The following PHTF2 variants were observed in gnomAD, a reference collection of about 807,000 sequenced individuals.
PHTF2 encodes putative homeodomain transcription factor 2.
PHTF2 carries 60 observed loss-of-function variants against 101.2 expected under a neutral mutation model. The observed-to-expected ratio is 0.59, with a 90% CI of 0.48 to 0.73. The LOEUF is 0.73. Ranked by LOEUF, PHTF2 falls within the 30% of genes least tolerant of loss-of-function variation. The probability of loss-of-function intolerance (pLI) is 0.00; values close to 1 mark genes in which losing one functional copy is unlikely to be tolerated. For missense variants in PHTF2, 747 were observed against 908.7 expected (o/e 0.82, Z 2.29); for synonymous variants, 311 against 307.3 (o/e 1.01, Z -0.13).
intron 3 of PHTF2, among the ~76,000 whole-genome samples, chr7:77,892,528 C>T (rs527751261): frequency 6.6e-6 from 1 of 152,300 alleles, no homozygotes; most frequent in South Asian, 2.1e-4. Flanking sequence ...TGGTCATTTT[C>T]TGTCTCTAGT....
chr7:77,941,921 T>A (rs1327938216), intron 15 of PHTF2, among the ~76,000 whole-genome samples: 1 of 152,206 alleles, frequency 6.6e-6, no homozygotes, highest in African/African-American at 2.4e-5. Context: ...CTTAACAAGG[T>A]TTATAATGCC....
intron 1 of PHTF2, among the ~76,000 whole-genome samples, chr7:77,811,242 G>A (rs1215122003): frequency 6.6e-6 from 1 of 152,202 alleles, no homozygotes; most frequent in Non-Finnish European, 1.5e-5. Context: ...CAGACATGAT[G>A]TTGTGTACTT....
intron 5 of PHTF2, among the ~76,000 whole-genome samples, chr7:77,898,779 C>CTTTATTTA (rs199645271): frequency 6.6e-6 from 1 of 151,836 alleles, no homozygotes; most frequent in African/African-American, 2.4e-5. Flanking sequence ...CAGAGGTTAT[C>CTTTATTTA]TTTATTTATT....
At chr7:77,834,860 T>C (rs1436614503) in intron 1 of PHTF2, among the ~76,000 whole-genome samples, 1 of 152,230 alleles carries the variant, frequency 6.6e-6, no homozygotes, top group Non-Finnish European at 1.5e-5. Flanking sequence ...TAAGAGTGTT[T>C]ACATATGACC....
intron 3 of PHTF2, among the ~76,000 whole-genome samples, chr7:77,866,920 G>T (rs1290854783): frequency 1.3e-5 from 2 of 152,132 alleles, no homozygotes; most frequent in African/African-American, 2.4e-5. Context: ...AGTAGTAAAA[G>T]AATGCAAATA....
At chr7:77,897,315 C>T (rs1800962413) in intron 5 of PHTF2, among the ~76,000 whole-genome samples, 1 of 140,514 alleles carries the variant, frequency 7.1e-6, no homozygotes. Flanking sequence ...TTTTTTTGGC[C>T]CAACATTATC....
chr7:77,907,710 G>C (rs952663009), intron 7 of PHTF2: 2 of 152,088 alleles, frequency 1.3e-5, no homozygotes, highest in Admixed American at 1.3e-4. Context: ...AATCTGTTTT[G>C]TTAAGTAAAT....
rs1289629601 is a variant in PHTF2, at chr7:77,954,610, GTGTATATATATATATATATA to G, written c.2338-246_2338-227del. ...AAGATAATCATATTAAACAAGTACT[GTGTATATATATATATATATA>G]TATATATATATATATAGCCACTTCT... On this transcript the variant is annotated intron_variant, in intron 19 of 19. Transcript: ENST00000416283. Among the ~76,000 whole-genome samples, 4 of 82,534 alleles carry G rather than the reference GTGTATATATATATATATATA, an allele frequency of 4.8e-5. 1 individual carries two copies. The highest frequency in any genetic ancestry group is 3.2e-4 in the East Asian group (1 of 3,148). 54.1% of individuals were successfully genotyped at this position (82,534 alleles called of 152,430 possible). A position where few individuals can be genotyped will look rare whatever the true frequency, so the allele number is the denominator to read the frequency against.
At chr7:77,941,579 G>A (rs1246018961) in intron 15 of PHTF2, among the ~76,000 whole-genome samples, 1 of 152,174 alleles carries the variant, frequency 6.6e-6, no homozygotes, top group East Asian at 1.9e-4. Context: ...TTATACTTCA[G>A]TGAGGGAATG....
chr7:77,861,033 A>G (rs1231953757), intron 3 of PHTF2, among the ~76,000 whole-genome samples: 1 of 152,128 alleles, frequency 6.6e-6, no homozygotes, highest in African/African-American at 2.4e-5. Context: ...GGACATTTCT[A>G]TATCAGTTAA....
chr7:77,915,074 G>C (rs1366820307), intron 9 of PHTF2, among the ~76,000 whole-genome samples: 1 of 148,742 alleles, frequency 6.7e-6, no homozygotes, highest in Non-Finnish European at 1.5e-5. Context: ...ACCATGCCCA[G>C]CTCATTTTTG....
rs534923265 is a variant in PHTF2, at chr7:77,940,226, T to C, written c.1664T>C (p.Ile555Thr). 3.7e-6 allele frequency: 6 copies of C among 1,613,886 alleles called. No individual in the cohort carries two copies. In the East Asian group the frequency reaches 1.3e-4, roughly 36 times the overall value. Reference sequence around the variant, plus strand: ...GTCATAGTTCTTTCTATGGTTATAATAAGTTTTGTGGTTCGCGTGTCTCTT... The same window carrying C: ...GTCATAGTTCTTTCTATGGTTATAACAAGTTTTGTGGTTCGCGTGTCTCTT... Residue 555 changes from isoleucine to threonine, a missense_variant, in exon 14 of 20, where the codon ATA becomes ACA. Physicochemically the swap from Ile to Thr is moderately conservative, Grantham distance 89. Transcript: ENST00000416283.
chr7:77,954,194 C>T lies in PHTF2; in HGVS notation c.2337+300C>T, dbSNP rs1030111508. Among the ~76,000 whole-genome samples, 7 of 151,978 alleles carry T rather than the reference C, an allele frequency of 4.6e-5. No individual in the cohort carries two copies. The East Asian group carries it at 5.8e-4, about 13-fold the overall frequency. On this transcript the variant is annotated intron_variant, in intron 19 of 19. Coordinates refer to ENST00000416283, the Ensembl canonical transcript of PHTF2. ...TGTTGCCCAGGCTGGTGTGCAGTTGCGCGACCTTGGCTCACTGCAACCTCT... is the reference window on the plus strand; with the variant it reads ...TGTTGCCCAGGCTGGTGTGCAGTTGTGCGACCTTGGCTCACTGCAACCTCT...
chr7:77,913,484 T>C (rs1401576278), intron 9 of PHTF2, among the ~76,000 whole-genome samples: 1 of 152,154 alleles, frequency 6.6e-6, no homozygotes, highest in African/African-American at 2.4e-5. Flanking sequence ...ATAGTTTCTA[T>C]TAAAGAGATT....
chr7:77,832,758 G>A (rs1795167168), intron 1 of PHTF2, among the ~76,000 whole-genome samples: 1 of 151,366 alleles, frequency 6.6e-6, no homozygotes, highest in African/African-American at 2.4e-5. Context: ...ACAAGCTCAG[G>A]GCTCCCACTG....
intron 3 of PHTF2, among the ~76,000 whole-genome samples, chr7:77,865,251 A>C (rs981298116): frequency 1.3e-5 from 2 of 151,558 alleles, no homozygotes; most frequent in African/African-American, 2.4e-5. Flanking sequence ...TTTTAGACAG[A>C]GTCTCGCTCT....
chr7:77,901,420 T>C (rs997224423), intron 6 of PHTF2, among the ~76,000 whole-genome samples: 1 of 151,918 alleles, frequency 6.6e-6, no homozygotes, highest in African/African-American at 2.4e-5. Flanking sequence ...ACCCAGGAGT[T>C]TGACACCACC....
At chr7:77,858,998 A>G (rs1235849229) in intron 3 of PHTF2, among the ~76,000 whole-genome samples, 1 of 152,146 alleles carries the variant, frequency 6.6e-6, no homozygotes, top group Non-Finnish European at 1.5e-5. Context: ...CTGGAGAGAG[A>G]CTGTGAGGGA....
intron 2 of PHTF2, among the ~76,000 whole-genome samples, chr7:77,844,426 G>A (rs1192808808): frequency 6.6e-6 from 1 of 152,212 alleles, no homozygotes; most frequent in Non-Finnish European, 1.5e-5. Flanking sequence ...AATATCAGAT[G>A]TGAAATTTCC....
Sources: gnomAD v4.1 joint callset for allele counts (sites outside exome capture counted in the v4.1 genomes callset) on GRCh38, gnomAD v4.1.1 for gene constraint, MANE v1.5 for transcripts, NCBI Gene and HGNC (gene_info 2026-07-23, HGNC 2026-07-21) for gene names.